SIPA1L3: variants seen among roughly 807,000 people sequenced by gnomAD.
SIPA1L3 encodes signal induced proliferation associated 1 like 3, also known as signal-induced proliferation-associated 1-like protein 3.
A neutral mutation model predicts 150.1 loss-of-function variants in SIPA1L3; 59 were observed. The ratio of observed to expected loss-of-function variants is 0.39; its 90% CI spans 0.32 to 0.49. The LOEUF is 0.49. SIPA1L3 is among the 20% of genes least tolerant of loss of function. SIPA1L3 has a pLI of 0.86. For missense variants in SIPA1L3, 2,211 were observed against 2,489.5 expected (o/e 0.89, Z 2.38); for synonymous variants, 1,070 against 1,077.6 (o/e 0.99, Z 0.14).
chr19:38,168,114 C>T (rs1233624055), intron 15 of SIPA1L3, among the ~76,000 whole-genome samples: 2 of 152,054 alleles, frequency 1.3e-5, no homozygotes, highest in Non-Finnish European at 2.9e-5. Flanking sequence ...AGGCCGGGCA[C>T]GGTGGCTCAC....
intron 9 of SIPA1L3, among the ~76,000 whole-genome samples, chr19:38,124,485 G>A (rs1971122101): frequency 6.6e-6 from 1 of 151,484 alleles, no homozygotes; most frequent in African/African-American, 2.4e-5. Flanking sequence ...AGATGGGATG[G>A]CAGCCGGGCA....
intron 12 of SIPA1L3, among the ~76,000 whole-genome samples, chr19:38,151,441 A>G (rs919820673): frequency 6.6e-6 from 1 of 152,190 alleles, no homozygotes; most frequent in African/African-American, 2.4e-5. Flanking sequence ...GCCAGTCTCA[A>G]GGGACCTGGA....
In SIPA1L3 at chr19:38,141,352, C is replaced by T. The variant is rs200785797; in HGVS notation, c.3312C>T (p.Pro1104=). 10 of 1,613,884 alleles carry T rather than the reference C, an allele frequency of 6.2e-6. No individual in the cohort carries two copies. Among genetic ancestry groups the T allele is most frequent in the Middle Eastern group, 1.6e-4 (1 of 6,084 alleles). ...CCAAGTGGGCCACTCCAACCACTCC[C>T]GGCCATGCCCAGTCCCTGAGCCGGC... is the stretch of plus-strand genomic sequence containing the variant. ...PASKWATPTT[P]GHAQSLSRPL... The change falls in exon 11 of 22, where the codon CCC becomes CCT. Residue 1104 remains proline, a synonymous_variant. Coordinates refer to ENST00000222345, the MANE Select transcript of SIPA1L3 (RefSeq NM_015073.3).
At chr19:37,983,905 C>CAAAA (rs397859822) in intron 1 of SIPA1L3, among the ~76,000 whole-genome samples, 85 of 75,888 alleles carry the variant, frequency 1.1e-3, no homozygotes, top group African/African-American at 4.0e-3. Context: ...GACCCCATCT[C>CAAAA]AAAAAAAAAA....
In SIPA1L3 at chr19:38,192,247, G is replaced by A. The variant is rs773799173; in HGVS notation, c.4533G>A (p.Glu1511=). ...SPRKNYKSTI[E]DDLKKLIIMD... ...GGAAGAACTACAAATCCACCATCGA[G>A]GATGACCTGAAGAAACTCATCATCA... The change falls in exon 17 of 22, where the codon GAG becomes GAA. Residue 1511 remains glutamate, a synonymous_variant. Transcript: ENST00000222345. The A allele has an allele frequency of 1.4e-5, 23 of 1,613,566 alleles. No individual in the cohort carries two copies. The highest frequency in any genetic ancestry group is 5.0e-5 in the Admixed American group (3 of 59,974).
intron 18 of SIPA1L3, among the ~76,000 whole-genome samples, chr19:38,197,380 A>G: frequency 6.6e-6 from 1 of 152,060 alleles, no homozygotes; most frequent in East Asian, 1.9e-4. Flanking sequence ...CAATAGCCGC[A>G]GCAGGTGCGA....
At chr19:38,075,728 C>T (rs112898556) in intron 2 of SIPA1L3, among the ~76,000 whole-genome samples, 72 of 149,258 alleles carry the variant, frequency 4.8e-4, no homozygotes, top group Middle Eastern at 3.5e-3. Flanking sequence ...TGCAGTGAGC[C>T]GAGATTGTGC....
chr19:38,111,565 A>C (rs1051561452), intron 8 of SIPA1L3, among the ~76,000 whole-genome samples: 8 of 152,188 alleles, frequency 5.3e-5, no homozygotes, highest in Admixed American at 2.6e-4. Context: ...GTGCACCAGT[A>C]GTCACCGCGA....
intron 10 of SIPA1L3, among the ~76,000 whole-genome samples, chr19:38,138,077 G>A (rs1971476696): frequency 6.6e-6 from 1 of 152,010 alleles, no homozygotes; most frequent in Non-Finnish European, 1.5e-5. Context: ...GTTGCAGTGA[G>A]CCAGGATCAC....
intron 2 of SIPA1L3, among the ~76,000 whole-genome samples, chr19:38,034,863 A>G (rs1324363260): frequency 1.3e-5 from 2 of 152,180 alleles, no homozygotes; most frequent in East Asian, 3.9e-4. Flanking sequence ...CTTTCTCTGG[A>G]GGTCTGCTGG....
intron 2 of SIPA1L3, among the ~76,000 whole-genome samples, chr19:38,070,968 A>AG (rs1302976500): frequency 6.6e-6 from 1 of 152,188 alleles, no homozygotes; most frequent in Admixed American, 6.5e-5. Context: ...CTGAACACCC[A>AG]GGGGGTCCCT....
Position 38,141,450 on chromosome 19 carries a change from G to T in SIPA1L3, c.3395+15G>T. ...CACAGCAAGAGGTAAGCACCTGCTG[G>T]GGGGACCAATACTTCCCAACCCCCA... On this transcript the variant is annotated intron_variant, in intron 11 of 21. Coordinates refer to ENST00000222345, the MANE Select transcript of SIPA1L3 (RefSeq NM_015073.3). 4 of 1,601,074 alleles carry T rather than the reference G, an allele frequency of 2.5e-6. No homozygotes were observed. The highest frequency in any genetic ancestry group is 3.4e-6 in the Non-Finnish European group (4 of 1,178,218).
At chr19:38,083,471 CAT>C (rs903168732) in intron 3 of SIPA1L3, among the ~76,000 whole-genome samples, 24 of 151,954 alleles carry the variant, frequency 1.6e-4, no homozygotes, top group South Asian at 4.1e-4. Context: ...GTAACACAAA[CAT>C]AGAACAGGAT....
At chr19:37,972,347 G>T (rs1051609561) in intron 1 of SIPA1L3, among the ~76,000 whole-genome samples, 2 of 152,142 alleles carry the variant, frequency 1.3e-5, no homozygotes, top group Admixed American at 6.6e-5. Context: ...AAAATCCATT[G>T]GCAGATCTAA....
intron 3 of SIPA1L3, among the ~76,000 whole-genome samples, chr19:38,086,807 C>T (rs775847196): frequency 2.0e-5 from 3 of 152,178 alleles, no homozygotes; most frequent in Non-Finnish European, 4.4e-5. Flanking sequence ...TTGGGCTTAA[C>T]TCTGAATACA....
At chr19:37,978,845 C>T (rs886637040) in intron 1 of SIPA1L3, among the ~76,000 whole-genome samples, 1 of 151,810 alleles carries the variant, frequency 6.6e-6, no homozygotes, top group Non-Finnish European at 1.5e-5. Context: ...TACGGTGGCT[C>T]AGGGCTACAG....
At chr19:38,072,625 C>T (rs1202748372) in intron 2 of SIPA1L3, among the ~76,000 whole-genome samples, 2 of 152,376 alleles carry the variant, frequency 1.3e-5, no homozygotes, top group Non-Finnish European at 2.9e-5. Context: ...CTGGTAAAGA[C>T]ATCACGGTCT....
chr19:38,189,256 C>G (rs142971730), intron 16 of SIPA1L3, among the ~76,000 whole-genome samples: 45 of 151,716 alleles, frequency 3.0e-4, no homozygotes, highest in African/African-American at 1.0e-3. Context: ...ATCTTAGTAG[C>G]TGGGCCCATA....
chr19:38,176,491 G>T (rs1166373532), intron 15 of SIPA1L3, among the ~76,000 whole-genome samples: 2 of 151,756 alleles, frequency 1.3e-5, no homozygotes, highest in African/African-American at 4.8e-5. Flanking sequence ...CAAACTCCTG[G>T]GTTCAAGCGA....
Sources: gnomAD v4.1 joint callset for allele counts (sites outside exome capture counted in the v4.1 genomes callset) on GRCh38, gnomAD v4.1.1 for gene constraint, MANE v1.5 for transcripts, NCBI Gene and HGNC (gene_info 2026-07-23, HGNC 2026-07-21) for gene names.